Variants in TENT5D observed in about 807,000 individuals in gnomAD.
The protein encoded by TENT5D is cancer/testis antigen 112.
For missense variants in TENT5D, 191 were observed against 287.0 expected (o/e 0.67, Z 2.42); for synonymous variants, 103 against 100.6 (o/e 1.02, Z -0.15).
intron 3 of TENT5D, among the ~76,000 whole-genome samples, chrX:80,390,099 G>C (rs1220457031): frequency 9.0e-6 from 1 of 110,547 alleles, no homozygotes; most frequent in Non-Finnish European, 1.9e-5. Flanking sequence ...AGAGAAGGTA[G>C]CATAGATAGC....
In TENT5D at chrX:80,376,672, C is replaced by T. The variant is rs1271643321; in HGVS notation, c.-142+34108C>T. 5.4e-5 allele frequency among the ~76,000 whole-genome samples: 6 copies of T among 110,966 alleles called. No individual in the cohort carries two copies. In the Admixed American group the frequency reaches 5.8e-4, roughly 11 times the overall value. On this transcript the variant is annotated intron_variant, in intron 3 of 4. Coordinates refer to the TENT5D transcript ENST00000538312. ...ATGTAGGTTTTTCTTGCTGAGTAGC[C>T]GATGTATGTATATTCAAGGAATAAA...
At chrX:80,434,686 G>C (rs988778821) in intron 1 of TENT5D, among the ~76,000 whole-genome samples, 25 of 110,617 alleles carry the variant, frequency 2.3e-4, no homozygotes, top group African/African-American at 7.9e-4. Flanking sequence ...ATTATCTATA[G>C]TAATGTGAGT....
chrX:80,441,189 G>A (rs1932276365), intron 2 of TENT5D, among the ~76,000 whole-genome samples: 1 of 111,016 alleles, frequency 9.0e-6, no homozygotes, highest in Non-Finnish European at 1.9e-5. Flanking sequence ...CCTATTTCAT[G>A]GGTCATTTCA....
Position 80,425,050 on chromosome X carries a change from C to G in TENT5D, c.-142+4487C>G, listed in dbSNP as rs182712532. ...AATTTTTCCAAGGGGCTTTTTTTGG[C>G]TTTTCAAGTTAAGCTTGACTTCTTA... On this transcript the variant is annotated intron_variant, in intron 1 of 2. Transcript: ENST00000308293. 5.3e-5 allele frequency among the ~76,000 whole-genome samples: 6 copies of G among 112,658 alleles called. No individual in the cohort carries two copies. In the East Asian group the frequency reaches 1.4e-3, roughly 26 times the overall value.
rs1320359011 is a variant in TENT5D, at chrX:80,422,327, G to T, written c.-142+1764G>T. ...GTCTCTACTAAAAATACAAAAATTAGCTGGGCATGGCAGCGCATGCCTGTA... is the reference window on the plus strand; with the variant it reads ...GTCTCTACTAAAAATACAAAAATTATCTGGGCATGGCAGCGCATGCCTGTA... On this transcript the variant is annotated intron_variant, in intron 1 of 2. Transcript: ENST00000308293. Among the ~76,000 whole-genome samples, 3 of 111,044 alleles carry T rather than the reference G, an allele frequency of 2.7e-5. No homozygotes were observed. In the East Asian group the frequency reaches 8.5e-4, roughly 32 times the overall value.
intron 1 of TENT5D, among the ~76,000 whole-genome samples, chrX:80,431,013 T>A (rs1477740256): frequency 9.0e-6 from 1 of 111,723 alleles, no homozygotes; most frequent in Non-Finnish European, 1.9e-5. Context: ...TAATACTATC[T>A]CTGGCTTCCC....
At chrX:80,409,198 A>T (rs1316228395) in intron 3 of TENT5D, among the ~76,000 whole-genome samples, 17 of 111,061 alleles carry the variant, frequency 1.5e-4, no homozygotes, top group African/African-American at 5.6e-4. Flanking sequence ...CAAGACAGGG[A>T]TGCCCTCTCT....
At chrX:80,434,396 G>A (rs1004480704) in intron 1 of TENT5D, among the ~76,000 whole-genome samples, 2 of 111,040 alleles carry the variant, frequency 1.8e-5, no homozygotes, top group Non-Finnish European at 3.8e-5. Flanking sequence ...ATATATGTCC[G>A]AGCATTACCC....
chrX:80,442,673 A>G, exon 3 of TENT5D: 2 of 1,211,114 alleles, frequency 1.7e-6, no homozygotes, highest in Non-Finnish European at 2.2e-6. Flanking sequence ...GACATCATTC[A>G]TGTTGTGAAA....
chrX:80,337,457 G>T (rs1241247713), intron 2 of TENT5D, among the ~76,000 whole-genome samples: 2 of 111,668 alleles, frequency 1.8e-5, no homozygotes, highest in East Asian at 5.6e-4. Context: ...TCTTTAACCA[G>T]CATATCCTTT....
chrX:80,386,778 C>T (rs775060820), intron 3 of TENT5D, among the ~76,000 whole-genome samples: 34 of 110,575 alleles, frequency 3.1e-4, no homozygotes, highest in Non-Finnish European at 5.5e-4. Context: ...GTGTTTGGTT[C>T]ATATGAAAAC....
At chrX:80,335,606 T>G (rs772229652) in intron 1 of TENT5D, 1 of 112,088 alleles carries the variant, frequency 8.9e-6, no homozygotes, top group African/African-American at 3.2e-5. Context: ...TCTTTTGTCC[T>G]ACTCCAAAGT....
chrX:80,396,946 A>T (rs13440582), intron 3 of TENT5D, among the ~76,000 whole-genome samples: 1 of 41,464 alleles, frequency 2.4e-5, no homozygotes, highest in African/African-American at 9.0e-5. Context: ...CTGGCCGGGC[A>T]GAGGGGCTCC....
At chrX:80,422,236 G>T (rs1602219151) in intron 1 of TENT5D, among the ~76,000 whole-genome samples, 1 of 110,696 alleles carries the variant, frequency 9.0e-6, no homozygotes, top group African/African-American at 3.3e-5. Flanking sequence ...GCACTTTGGG[G>T]GGCTGAGGTG....
At chrX:80,423,046 C>A (rs772369845) in intron 1 of TENT5D, among the ~76,000 whole-genome samples, 52 of 112,042 alleles carry the variant, frequency 4.6e-4, no homozygotes, top group Non-Finnish European at 8.5e-4. Flanking sequence ...TCAGCGATTC[C>A]CTTCAAAAGG....
At chrX:80,428,004 C>T (rs1426993722) in intron 1 of TENT5D, among the ~76,000 whole-genome samples, 2 of 112,124 alleles carry the variant, frequency 1.8e-5, no homozygotes, top group Non-Finnish European at 3.8e-5. Flanking sequence ...TAAAAATATA[C>T]CTATAACTTA....
At chrX:80,336,788 T>G (rs1372975681) in intron 2 of TENT5D, among the ~76,000 whole-genome samples, 1 of 111,808 alleles carries the variant, frequency 8.9e-6, no homozygotes, top group Non-Finnish European at 1.9e-5. Flanking sequence ...GTTTTGAAAA[T>G]GTTTTGTGGA....
chrX:80,351,011 C>T (rs1008601852), intron 3 of TENT5D, among the ~76,000 whole-genome samples: 4 of 111,804 alleles, frequency 3.6e-5, no homozygotes, highest in South Asian at 3.8e-4. Context: ...CAGAGAGATA[C>T]GCTGTTAGTC....
chrX:80,360,129 A>G (rs1228730697), intron 3 of TENT5D, among the ~76,000 whole-genome samples: 3 of 112,081 alleles, frequency 2.7e-5, no homozygotes, highest in Non-Finnish European at 5.6e-5. Flanking sequence ...ACCTAATTAC[A>G]AAATCATCTT....
Sources: gnomAD v4.1 joint callset for allele counts (sites outside exome capture counted in the v4.1 genomes callset) on GRCh38, gnomAD v4.1.1 for gene constraint, MANE v1.5 for transcripts, NCBI Gene and HGNC (gene_info 2026-07-23, HGNC 2026-07-21) for gene names.